Variants in ENDOD1 observed in about 807,000 individuals in gnomAD.
ENDOD1 encodes the protein endonuclease domain-containing 1 protein.
Under a neutral mutation model 6.5 loss-of-function variants are expected in ENDOD1, and 9 were observed. The observed-to-expected ratio is 1.39, with a 90% CI of 0.84 to 2.43. The LOEUF is 2.43. Ranked by LOEUF, ENDOD1 falls within the 30% of genes most tolerant of loss-of-function variation. ENDOD1 has a pLI of 0.00. For synonymous variants in ENDOD1, 255 were observed against 255.2 expected (o/e 1.00, Z 0.01); for missense variants, 648 against 635.5 (o/e 1.02, Z -0.21).
At chr11:95,108,986 G>T (rs528427974) in intron 1 of ENDOD1, among the ~76,000 whole-genome samples, 134 of 152,300 alleles carry the variant, frequency 8.8e-4, no homozygotes, top group African/African-American at 3.1e-3. Flanking sequence ...GGCAGCAGGG[G>T]TGTTGGCATT....
intron 1 of ENDOD1, among the ~76,000 whole-genome samples, chr11:95,093,065 C>T (rs1414041894): frequency 6.6e-6 from 1 of 152,162 alleles, no homozygotes; most frequent in Non-Finnish European, 1.5e-5. Flanking sequence ...CTGCAGTTTC[C>T]CTTTGAAAAG....
At chr11:95,097,609 C>T (rs981295594) in intron 1 of ENDOD1, among the ~76,000 whole-genome samples, 3 of 152,162 alleles carry the variant, frequency 2.0e-5, no homozygotes, top group Non-Finnish European at 4.4e-5. Context: ...ATCTGGCTTA[C>T]ATTTAAATAG....
intron 1 of ENDOD1, among the ~76,000 whole-genome samples, chr11:95,097,617 T>C (rs782546181): frequency 1.1e-4 from 16 of 152,336 alleles, no homozygotes; most frequent in Non-Finnish European, 2.1e-4. Flanking sequence ...TACATTTAAA[T>C]AGGACCATTT....
At chr11:95,118,551 T>C (rs1555112690) in intron 1 of ENDOD1, among the ~76,000 whole-genome samples, 1 of 152,254 alleles carries the variant, frequency 6.6e-6, no homozygotes, top group African/African-American at 2.4e-5. Flanking sequence ...AGCTCCATTG[T>C]ATTTTATATG....
intron 1 of ENDOD1, among the ~76,000 whole-genome samples, chr11:95,122,254 G>C (rs1409703837): frequency 6.6e-6 from 1 of 151,864 alleles, no homozygotes; most frequent in Non-Finnish European, 1.5e-5. Flanking sequence ...ACAGAGTCTT[G>C]CTCTGTCACC....
chr11:95,124,609 G>A (rs73528781), intron 1 of ENDOD1, among the ~76,000 whole-genome samples: 1,740 of 152,336 alleles, frequency 0.011, 41 homozygotes, highest in African/African-American at 0.039. Flanking sequence ...GCCCAGGGCA[G>A]GGGGGTGCAC....
intron 1 of ENDOD1, among the ~76,000 whole-genome samples, chr11:95,107,843 CAT>C (rs1859105788): frequency 6.6e-6 from 1 of 152,050 alleles, no homozygotes; most frequent in Middle Eastern, 3.2e-3. Context: ...TTGTATTTTT[CAT>C]AGAGACGGGG....
In ENDOD1 at chr11:95,089,883, G is replaced by A; in HGVS notation, c.-45G>A. ...CCGCCCAGCCTGCAGAGCTCGCGCC[G>A]CGGCAGCCCAGCCGCTCGGCCCCGC... On this transcript the variant is annotated 5_prime_UTR_variant, in exon 1 of 2. Transcript: ENST00000278505. 1 of 1,290,100 alleles carries A rather than the reference G, an allele frequency of 7.8e-7. No individual in the cohort carries two copies. Among genetic ancestry groups the A allele is most frequent in the Non-Finnish European group, 9.8e-7 (1 of 1,016,432 alleles). 79.9% of individuals were successfully genotyped at this position (1,290,100 alleles called of 1,614,324 possible). A position where few individuals can be genotyped will look rare whatever the true frequency, so the allele number is the denominator to read the frequency against.
chr11:95,109,503 T>C (rs1859126048), intron 1 of ENDOD1, among the ~76,000 whole-genome samples: 1 of 152,252 alleles, frequency 6.6e-6, no homozygotes, highest in South Asian at 2.1e-4. Flanking sequence ...TCATGCTAGG[T>C]CTGGGAACAC....
intron 1 of ENDOD1, among the ~76,000 whole-genome samples, chr11:95,102,199 C>T (rs1372051188): frequency 1.3e-5 from 2 of 152,162 alleles, no homozygotes; most frequent in African/African-American, 4.8e-5. Flanking sequence ...CTAAAGCCTA[C>T]TGCCATTTGG....
rs774914524 is a variant in ENDOD1, at chr11:95,129,152, A to G, written c.1076A>G (p.Tyr359Cys). 7.4e-6 allele frequency: 12 copies of G among 1,613,942 alleles called. No homozygotes were observed. The highest frequency in any genetic ancestry group is 2.2e-5 in the East Asian group (1 of 44,874). ...GTAGCAATCCTGAAGAACATTGTCT[A>G]TTTCCTGTGGTGTGTTACCAAGCAG... is the stretch of plus-strand genomic sequence containing the variant. The part of the protein sequence containing the change: ...LVVAILKNIV[Y>C]FLWCVTKQVI... Residue 359 changes from tyrosine (Y) to cysteine (C), a missense_variant, in exon 2 of 2, where the codon TAT (tyrosine) becomes TGT (cysteine). Tyr to Cys is a radical substitution (Grantham distance 194). Transcript: ENST00000278505.
intron 1 of ENDOD1, among the ~76,000 whole-genome samples, chr11:95,096,793 C>CAAT (rs749847718): frequency 4.5e-4 from 68 of 152,218 alleles, no homozygotes; most frequent in Non-Finnish European, 7.6e-4. Flanking sequence ...GGAAAGAGAG[C>CAAT]AGTGGTTACA....
Position 95,131,598 on chromosome 11 carries a change from A to G in ENDOD1, c.*2019A>G, listed in dbSNP as rs913073898. 5 of 152,236 alleles carry G rather than the reference A, an allele frequency of 3.3e-5. No homozygotes were observed. The highest frequency in any genetic ancestry group is 9.6e-5 in the African/African-American group (4 of 41,466). 9.4% of individuals were successfully genotyped at this position (152,236 alleles called of 1,614,324 possible). A position where few individuals can be genotyped will look rare whatever the true frequency, so the allele number is the denominator to read the frequency against. On this transcript the variant is annotated 3_prime_UTR_variant, in exon 2 of 2. Transcript: ENST00000278505. Reference sequence around the variant, plus strand: ...CTCTGGACCATGGCAAGATTTCCTCATTCATCAAACAGACTCCAGGCCCTG... The same window carrying G: ...CTCTGGACCATGGCAAGATTTCCTCGTTCATCAAACAGACTCCAGGCCCTG...
chr11:95,091,614 T>C (rs1469081669), intron 1 of ENDOD1, among the ~76,000 whole-genome samples: 1 of 152,232 alleles, frequency 6.6e-6, no homozygotes, highest in Non-Finnish European at 1.5e-5. Flanking sequence ...TTCTTTCCCC[T>C]TGATCTCATG....
chr11:95,117,595 G>T (rs1859223687), intron 1 of ENDOD1, among the ~76,000 whole-genome samples: 1 of 151,838 alleles, frequency 6.6e-6, no homozygotes, highest in Non-Finnish European at 1.5e-5. Context: ...GCTCTTTTTT[G>T]ATTTCCATTT....
rs1293889973 is a variant in ENDOD1, at chr11:95,130,973, C to T, written c.*1394C>T. On this transcript the variant is annotated 3_prime_UTR_variant, in exon 2 of 2. Transcript: ENST00000278505. ...GAAATACTGATCTTGGGGCTACCGC[C>T]CAGGATCAATCAGAAAGTTATATGC... 6.6e-6 allele frequency: 1 copy of T among 152,146 alleles called. No individual in the cohort carries two copies. The highest frequency in any genetic ancestry group is 1.5e-5 in the Non-Finnish European group (1 of 68,036). 9.4% of individuals were successfully genotyped at this position (152,146 alleles called of 1,614,324 possible). A position where few individuals can be genotyped will look rare whatever the true frequency, so the allele number is the denominator to read the frequency against.
intron 1 of ENDOD1, among the ~76,000 whole-genome samples, chr11:95,118,269 A>G (rs782089989): frequency 3.3e-5 from 5 of 152,210 alleles, no homozygotes; most frequent in Non-Finnish European, 5.9e-5. Flanking sequence ...GCACCTTCAG[A>G]TGATTACTTA....
intron 1 of ENDOD1, among the ~76,000 whole-genome samples, chr11:95,122,589 T>TACACAC (rs55940348): frequency 0.12 from 17,036 of 142,614 alleles, 1,067 homozygotes; most frequent in Middle Eastern, 0.19. Context: ...GCATTTAAGT[T>TACACAC]ACACACACAC....
intron 1 of ENDOD1, among the ~76,000 whole-genome samples, chr11:95,127,756 T>C (rs1020963749): frequency 9.1e-6 from 1 of 110,398 alleles, no homozygotes; most frequent in Non-Finnish European, 1.9e-5. Context: ...TTCATGAAAC[T>C]ACAACAGATT....
Sources: gnomAD v4.1 joint callset for allele counts (sites outside exome capture counted in the v4.1 genomes callset) on GRCh38, gnomAD v4.1.1 for gene constraint, MANE v1.5 for transcripts, NCBI Gene and HGNC (gene_info 2026-07-23, HGNC 2026-07-21) for gene names.